The following GSDME variants were observed in gnomAD, a reference collection of about 807,000 sequenced individuals.
GSDME encodes the protein gasdermin E.
In GSDME, 44 loss-of-function variants were observed where a neutral mutation model predicts 47.5. The ratio of observed to expected loss-of-function variants is 0.93; its 90% CI spans 0.73 to 1.19. The LOEUF is 1.19. GSDME is among the 50% of genes most tolerant of loss of function. The probability of loss-of-function intolerance (pLI) is 0.00; values close to 1 mark genes in which losing one functional copy is unlikely to be tolerated. For synonymous variants in GSDME, 258 were observed against 252.8 expected (o/e 1.02, Z -0.20); for missense variants, 663 against 604.2 (o/e 1.10, Z -1.02).
intron 3 of GSDME, among the ~76,000 whole-genome samples, chr7:24,731,863 T>C (rs1219260909): frequency 6.6e-6 from 1 of 152,226 alleles, no homozygotes; most frequent in Non-Finnish European, 1.5e-5. Flanking sequence ...GTAGCATTTA[T>C]TATGTTATTC....
In GSDME at chr7:24,748,346, G is replaced by C. The variant is rs545193597; in HGVS notation, c.211+1218C>G. On this transcript the variant is annotated intron_variant, in intron 2 of 9. Coordinates refer to ENST00000645220, the MANE Select transcript of GSDME (RefSeq NM_001127453.2). ...GGCTAATTTTTATATTTTTAGTAGA[G>C]ATGGGGTTTCACCATGTTGGCCAGG... Among the ~76,000 whole-genome samples, 16 of 151,782 alleles carry C rather than the reference G, an allele frequency of 1.1e-4. No individual in the cohort carries two copies. In the East Asian group the frequency reaches 3.1e-3, roughly 30 times the overall value.
Position 24,706,215 on chromosome 7 carries a change from C to G in GSDME, c.1152G>C (p.Met384Ile). 1.2e-6 allele frequency: 2 copies of G among 1,614,220 alleles called. No homozygotes were observed. Among genetic ancestry groups the G allele is most frequent in the African/African-American group, 2.7e-5 (2 of 75,062 alleles). ...PEDAGSKQLF[M>I]TAYFLVSALA... ...GGGCACTGACCAAGAAGTAGGCTGT[C>G]ATAAACAGCTGCTTGCTGCCTGCAT... The change falls in exon 8 of 10, where the codon ATG becomes ATC. Residue 384 changes from methionine (M) to isoleucine (I), a missense_variant. Coordinates refer to ENST00000645220, the MANE Select transcript of GSDME (RefSeq NM_001127453.2).
chr7:24,764,212 G>A, the GSDME span, among the ~76,000 whole-genome samples: 3 of 152,154 alleles, frequency 2.0e-5, no homozygotes, highest in South Asian at 2.1e-4. This position sits in a 1 kb window ranked among gnomAD's most constrained non-coding sequence, Gnocchi z 4.4. Context: ...AATTATCCTG[G>A]CACCTGACTC....
chr7:24,777,763 G>A, the GSDME span, among the ~76,000 whole-genome samples: 2 of 152,034 alleles, frequency 1.3e-5, no homozygotes, highest in African/African-American at 2.4e-5. Context: ...ACAGTGGCAC[G>A]CACCTGTAGT....
intron 3 of GSDME, among the ~76,000 whole-genome samples, chr7:24,730,189 A>G (rs1208206324): frequency 6.6e-6 from 1 of 152,230 alleles, no homozygotes; most frequent in South Asian, 2.1e-4. Flanking sequence ...CCCAAGTGGA[A>G]CAAACATCTG....
chr7:24,781,822 T>C, the GSDME span, among the ~76,000 whole-genome samples: 1 of 152,214 alleles, frequency 6.6e-6, no homozygotes. Context: ...TAGCTCACTA[T>C]GGTCTTGAAT....
chr7:24,795,252 TC>T, the GSDME span, among the ~76,000 whole-genome samples: 1 of 151,646 alleles, frequency 6.6e-6, no homozygotes, highest in South Asian at 2.1e-4. Context: ...CCGGCAGGAG[TC>T]CCCCGCAGGG....
At position 24,739,869 on chromosome 7, in the gene GSDME, C is replaced by T. The variant is rs983769863; in HGVS notation, c.404+4693G>A. Among the ~76,000 whole-genome samples, 12 of 152,026 alleles carry T rather than the reference C, an allele frequency of 7.9e-5. No homozygotes were observed. The highest frequency in any genetic ancestry group is 4.1e-4 in the South Asian group (2 of 4,820). ...TAGCACTTTGGGAGGCTAAGGCAGG[C>T]GGATCACGAGGTCAGGAGTTCAAGA... On this transcript the variant is annotated intron_variant, in intron 3 of 9. Coordinates refer to ENST00000645220, the MANE Select transcript of GSDME (RefSeq NM_001127453.2). This position sits in a 1 kb window ranked among gnomAD's most constrained non-coding sequence, Gnocchi z 5.1.
At position 24,756,493 on chromosome 7, in the gene GSDME, A is replaced by G. The variant is rs1177614115; in HGVS notation, c.-20+903T>C. On this transcript the variant is annotated intron_variant, in intron 1 of 9. Transcript: ENST00000645220. The surrounding 1 kb of genome is among the most constrained non-coding windows in gnomAD (Gnocchi z 4.2). ...TTGGTGGTGGTAGATTGTGAAGACAATTAATTTCACTCTTCAGCTGCTTCT... is the reference window on the plus strand; with the variant it reads ...TTGGTGGTGGTAGATTGTGAAGACAGTTAATTTCACTCTTCAGCTGCTTCT... 1.3e-5 allele frequency among the ~76,000 whole-genome samples: 2 copies of G among 152,128 alleles called. No homozygotes were observed. The highest frequency in any genetic ancestry group is 2.9e-5 in the Non-Finnish European group (2 of 68,020).
Position 24,738,843 on chromosome 7 carries a change from A to C in GSDME, c.404+5719T>G, listed in dbSNP as rs189229978. ...AAACAAATCCATACATTTATGTTGA[A>C]CTCATTTTCAATAAAGGTGCCAAGA... On this transcript the variant is annotated intron_variant, in intron 3 of 9. Transcript: ENST00000645220. Among the ~76,000 whole-genome samples the C allele has an allele frequency of 7.2e-5, 11 of 152,310 alleles. No individual in the cohort carries two copies. The East Asian group carries it at 2.1e-3, about 29-fold the overall frequency.
At chr7:24,780,651 C>T in the GSDME span, among the ~76,000 whole-genome samples, 4 of 152,206 alleles carry the variant, frequency 2.6e-5, no homozygotes, top group Non-Finnish European at 5.9e-5. The surrounding 1 kb of genome is among the most constrained non-coding windows in gnomAD (Gnocchi z 4.1). Flanking sequence ...ACTAACTCCT[C>T]CCTTTGTTAA....
rs368466215 is a variant in GSDME at position 24,731,092 on chromosome 7, G to A, written c.405-11874C>T. Among the ~76,000 whole-genome samples the A allele has an allele frequency of 2.0e-3, 302 of 152,352 alleles. 9 individuals carry two copies. The South Asian group carries it at 0.06, about 30-fold the overall frequency. On this transcript the variant is annotated intron_variant, in intron 3 of 9. Transcript: ENST00000645220. ...ATTTAGTGTGGCCTGGGGGTCTCAGGAAAGACATCTTTTAAAAAGAGTGGA... is the reference window on the plus strand; with the variant it reads ...ATTTAGTGTGGCCTGGGGGTCTCAGAAAAGACATCTTTTAAAAAGAGTGGA...
chr7:24,707,343 C>G (rs1227224698), intron 7 of GSDME: 1 of 471,194 alleles, frequency 2.1e-6, no homozygotes, highest in African/African-American at 2.0e-5. Flanking sequence ...ATCTGGGTGG[C>G]TGGAGGGTTG....
At chr7:24,729,477 A>T (rs576504630) in intron 3 of GSDME, among the ~76,000 whole-genome samples, 2 of 152,368 alleles carry the variant, frequency 1.3e-5, no homozygotes, top group Non-Finnish European at 2.9e-5. Flanking sequence ...GACGCAGGCA[A>T]CTTCCGACAC....
rs768736799 is a variant in GSDME at position 24,744,749 on chromosome 7, C to G, written c.217G>C (p.Val73Leu). The part of the protein sequence containing the change: ...IEDQFPSPVV[V>L]ESDFVKYEGK... ...TCGTATTTCACAAAGTCCGACTCCA[C>G]GACCACTGGAATGGAGGAGACGAGC... The change falls in exon 3 of 10, where the codon GTG (valine) becomes CTG (leucine). Residue 73 changes from valine (V) to leucine (L), a missense_variant. Physicochemically the swap from Val to Leu is conservative, Grantham distance 32. Coordinates refer to ENST00000645220, the MANE Select transcript of GSDME (RefSeq NM_001127453.2). This position sits in a 1 kb window ranked among gnomAD's most constrained non-coding sequence, Gnocchi z 4.5. 6.2e-7 allele frequency: 1 copy of G among 1,613,986 alleles called. No individual in the cohort carries two copies. Among genetic ancestry groups the G allele is most frequent in the Admixed American group, 1.7e-5 (1 of 60,010 alleles).
At chr7:24,702,968 G>GAGTT (rs1337964230) in intron 8 of GSDME, 135 bp from the exon 9 acceptor site, 11 of 683,600 alleles carry the variant, frequency 1.6e-5, no homozygotes, top group African/African-American at 7.1e-5. Flanking sequence ...AGCAGTTGCT[G>GAGTT]AGTTAGTGAA....
At chr7:24,781,185 G>A in the GSDME span, among the ~76,000 whole-genome samples, 1 of 152,198 alleles carries the variant, frequency 6.6e-6, no homozygotes, top group Admixed American at 6.5e-5. Context: ...TGTGACCACA[G>A]ACAGGCAGGA....
At chr7:24,750,177 A>C (rs1416164115) in intron 1 of GSDME, among the ~76,000 whole-genome samples, 1 of 152,232 alleles carries the variant, frequency 6.6e-6, no homozygotes, top group Non-Finnish European at 1.5e-5. Flanking sequence ...ATCATTATCC[A>C]ACAGGAAAGA....
rs928379860 is a variant in GSDME at position 24,739,104 on chromosome 7, C to T, written c.404+5458G>A. ...TTTCTTGAGTAACATCCCACAGACA[C>T]GAACCACTAAAGCAAAAATGGACAA... On this transcript the variant is annotated intron_variant, in intron 3 of 9. Transcript: ENST00000645220. The surrounding 1 kb of genome is among the most constrained non-coding windows in gnomAD (Gnocchi z 5.1). Among the ~76,000 whole-genome samples, 21 of 152,068 alleles carry T rather than the reference C, an allele frequency of 1.4e-4. No homozygotes were observed. The highest frequency in any genetic ancestry group is 5.8e-4 in the East Asian group (3 of 5,194).
Sources: allele counts gnomAD v4.1 joint callset (sites outside exome capture counted in the v4.1 genomes callset), GRCh38; gene constraint gnomAD v4.1.1; non-coding constraint Gnocchi (gnomAD v3.1); transcripts MANE v1.5; gene names NCBI Gene and HGNC (gene_info 2026-07-23, HGNC 2026-07-21).